Variants in FZD8 observed in about 807,000 individuals in gnomAD.
FZD8 encodes frizzled class receptor 8.
A neutral mutation model predicts 46.0 loss-of-function variants in FZD8; 18 were observed. The ratio of observed to expected loss-of-function variants is 0.39; its 90% CI spans 0.27 to 0.58. The LOEUF (loss-of-function observed/expected upper bound fraction) is 0.58, where lower values mean the gene tolerates loss of function less well. Among genes scored for constraint, FZD8 ranks in the 20% least tolerant of loss-of-function variants. The pLI is 0.55. For synonymous variants in FZD8, 586 were observed against 467.9 expected, an observed-to-expected ratio of 1.25 and a Z score of -3.26; for missense variants, 785 against 983.4, an observed-to-expected ratio of 0.80 and a Z score of 2.70.
Position 35,642,134 on chromosome 10 carries a change from C to A in FZD8, c.-705G>T. 6.5e-6 allele frequency: 1 copy of A among 152,908 alleles called. No individual in the cohort carries two copies. The highest frequency in any genetic ancestry group is 1.9e-4 in the South Asian group (1 of 5,188). The allele number at this position is 152,908 out of a possible 1,614,324, so 9.5% of individuals were successfully genotyped here. On this transcript the variant is annotated 5_prime_UTR_variant, in exon 1 of 1. Coordinates refer to ENST00000374694, the MANE Select transcript of FZD8 (RefSeq NM_031866.3). ...GTCAGCGCCGCGCTCCGGCCGCAGTCGGGCGAGGTGCACACAGTCTCCTTC... is the reference window on the plus strand; with the variant it reads ...GTCAGCGCCGCGCTCCGGCCGCAGTAGGGCGAGGTGCACACAGTCTCCTTC...
rs1382607596 is a variant in FZD8 at position 35,641,999 on chromosome 10, C to A, written c.-570G>T. 2 of 156,000 alleles carry A rather than the reference C, an allele frequency of 1.3e-5. No homozygotes were observed. The highest frequency in any genetic ancestry group is 2.8e-5 in the Non-Finnish European group (2 of 70,652). The allele number at this position is 156,000 out of a possible 1,614,324, so 9.7% of individuals were successfully genotyped here. On this transcript the variant is annotated 5_prime_UTR_variant, in exon 1 of 1. Transcript: ENST00000374694. The surrounding 1 kb of genome is among the most constrained non-coding windows in gnomAD (Gnocchi z 6.3). Reference sequence around the variant, plus strand: ...GCCCCCAAGGCCAAGCCGCCGCCGCCGCCGCCGGAGTTGGGGACCCGCCTC... The same window carrying A: ...GCCCCCAAGGCCAAGCCGCCGCCGCAGCCGCCGGAGTTGGGGACCCGCCTC...
In FZD8 at chr10:35,640,284, C is replaced by A; in HGVS notation, c.1146G>T (p.Val382=). ...GRGEYEELGA[V]EQHVRYETTG... ...TGGTCTCGTAGCGCACGTGCTGCTC[C>A]ACCGCGCCCAGCTCCTCGTACTCGC... Residue 382 remains valine (V), a synonymous_variant, in exon 1 of 1, where the codon GTG becomes GTT. Coordinates refer to ENST00000374694, the MANE Select transcript of FZD8 (RefSeq NM_031866.3). The A allele has an allele frequency of 6.3e-7, 1 of 1,592,398 alleles. No individual in the cohort carries two copies.
Position 35,640,331 on chromosome 10 carries a change from C to A in FZD8, c.1099G>T (p.Ala367Ser). The A allele has an allele frequency of 9.9e-7, 1 of 1,010,750 alleles. No homozygotes were observed. Among genetic ancestry groups the A allele is most frequent in the Non-Finnish European group, 1.2e-6 (1 of 844,186 alleles). The allele number at this position is 1,010,750 out of a possible 1,614,324, so 62.6% of individuals were successfully genotyped here. ...AAGAGAAGAG[A>S]GGPGGRGEYE... ...TCGCCGCGCCCGCCCGGGCCGCCCG[C>A]GCCCGCGCCCGCCGCGCCCGCGCCC... Residue 367 changes from alanine (A) to serine (S), a missense_variant, in exon 1 of 1, where the codon GCG becomes TCG. By Grantham distance (99) the Ala-to-Ser change is moderately conservative (BLOSUM62 1). Transcript: ENST00000374694.
chr10:35,641,035 CGGTCG>C lies in FZD8; in HGVS notation c.390_394del (p.Asp131HisfsTer13), dbSNP rs750255973. On this transcript the variant is annotated frameshift_variant, in exon 1 of 1. Transcript: ENST00000374694. LOFTEE classifies it high-confidence loss of function. This position sits in a 1 kb window ranked among gnomAD's most constrained non-coding sequence, Gnocchi z 6.3. ...CTCGGGCAGCCGGTCGCAGCGCATG[CGGTCG>C]GGCCAGGCGAAGCCGTACTGGCGCA... The C allele has an allele frequency of 6.2e-7, 1 of 1,608,282 alleles. No homozygotes were observed. The highest frequency in any genetic ancestry group is 1.1e-5 in the South Asian group (1 of 90,698).
chr10:35,641,865 G>C lies in FZD8; in HGVS notation c.-436C>G. ...GCCGGACAGAGAGGGCGGAGGCGCC[G>C]CAAGTTTCCTCTGGGGCCGCGGTGC... is the stretch of plus-strand genomic sequence containing the variant. On this transcript the variant is annotated 5_prime_UTR_variant, in exon 1 of 1. Transcript: ENST00000374694. This position sits in a 1 kb window ranked among gnomAD's most constrained non-coding sequence, Gnocchi z 6.3. 1 of 153,320 alleles carries C rather than the reference G, an allele frequency of 6.5e-6. No homozygotes were observed. Among genetic ancestry groups the C allele is most frequent in the Non-Finnish European group, 1.4e-5 (1 of 69,024 alleles). 9.5% of individuals were successfully genotyped at this position (153,320 alleles called of 1,614,324 possible).
chr10:35,639,561 G>A lies in FZD8; in HGVS notation c.1869C>T (p.Ala623=), dbSNP rs368059649. 2.0e-6 allele frequency: 3 copies of A among 1,523,150 alleles called. No homozygotes were observed. The highest frequency in any genetic ancestry group is 1.8e-5 in the Admixed American group (1 of 54,334). 94.4% of individuals were successfully genotyped at this position (1,523,150 alleles called of 1,614,324 possible). The change falls in exon 1 of 1, where the codon GCC becomes GCT. Residue 623 remains alanine (A), a synonymous_variant. Transcript: ENST00000374694. ...WRSLCTRCCW[A]SKGAAVGGGA... is the part of the protein sequence containing the mutation. ...CCCCGCCCACCGCGGCGCCCTTGCTGGCCCAGCAGCAGCGGGTGCACAGGG... is the reference window on the plus strand; with the variant it reads ...CCCCGCCCACCGCGGCGCCCTTGCTAGCCCAGCAGCAGCGGGTGCACAGGG...
Position 35,640,936 on chromosome 10 carries a change from C to A in FZD8, c.494G>T (p.Arg165Leu), listed in dbSNP as rs1191008066. ...DLTTAAPSPPRRLPPPPPGEQ... is the reference protein window; with the variant it reads ...DLTTAAPSPPLRLPPPPPGEQ... ...GCCGGGCGGCGGCGGCGGCAGGCGGCGCGGCGGGCTGGGCGCGGCGGTGGT... is the reference window on the plus strand; with the variant it reads ...GCCGGGCGGCGGCGGCGGCAGGCGGAGCGGCGGGCTGGGCGCGGCGGTGGT... Residue 165 changes from arginine (R) to leucine (L), a missense_variant, in exon 1 of 1, where the codon CGC (arginine) becomes CTC (leucine). Transcript: ENST00000374694. 4 of 1,301,328 alleles carry A rather than the reference C, an allele frequency of 3.1e-6. No individual in the cohort carries two copies. Among genetic ancestry groups the A allele is most frequent in the South Asian group, 2.8e-5 (1 of 35,978 alleles). 80.6% of individuals were successfully genotyped at this position (1,301,328 alleles called of 1,614,324 possible).
chr10:35,639,932 G>C lies in FZD8; in HGVS notation c.1498C>G (p.Leu500Val). 1 of 1,613,142 alleles carries C rather than the reference G, an allele frequency of 6.2e-7. No homozygotes were observed. Among genetic ancestry groups the C allele is most frequent in the Non-Finnish European group, 8.5e-7 (1 of 1,179,926 alleles). ...AAGAGGGACACGAAGCCGGCCAGCA[G>C]GAACATGGTGCCGATGAAGAGGTAG... ...VIYLFIGTMF[L>V]LAGFVSLFRI... Residue 500 changes from leucine (L) to valine (V), a missense_variant, in exon 1 of 1, where the codon CTG (leucine) becomes GTG (valine). Around this residue, in one of 5 missense-constraint regions of FZD8, gnomAD observed 147 missense variants for 242.5 expected, o/e 0.61. Coordinates refer to ENST00000374694, the MANE Select transcript of FZD8 (RefSeq NM_031866.3).
Position 35,639,666 on chromosome 10 carries a change from G to A in FZD8, c.1764C>T (p.Leu588=), listed in dbSNP as rs1414182297. 2 of 1,599,102 alleles carry A rather than the reference G, an allele frequency of 1.3e-6. No individual in the cohort carries two copies. The highest frequency in any genetic ancestry group is 1.7e-6 in the Non-Finnish European group (2 of 1,179,742). The change falls in exon 1 of 1, where the codon CTC becomes CTT. Residue 588 remains leucine, a synonymous_variant. Coordinates refer to ENST00000374694, the MANE Select transcript of FZD8 (RefSeq NM_031866.3). ...CCACCACTAGGCACATGAAGTACTT[G>A]AGCATGAAGACGGCGTAGTCGGGCC... is the stretch of plus-strand genomic sequence containing the variant. ...ARRPDYAVFM[L]KYFMCLVVGI...
chr10:35,640,813 G>T lies in FZD8; in HGVS notation c.617C>A (p.Ala206Glu). The change falls in exon 1 of 1, where the codon GCG (alanine) becomes GAG (glutamate). Residue 206 changes from alanine (A) to glutamate (E), a missense_variant. Ala to Glu is a moderately radical substitution (Grantham distance 107, BLOSUM62 -1). Transcript: ENST00000374694. The stretch of plus-strand genomic sequence containing the variant: ...ACCGCCGCCGCCGCGAGCTGGGGGC[G>T]CCGCCGCGTCCCCGCCGCCACCGCC... ...GRGGGGGDAA[A>E]PPARGGGGGG... The T allele has an allele frequency of 1.0e-6, 1 of 991,400 alleles. No individual in the cohort carries two copies. The highest frequency in any genetic ancestry group is 1.2e-6 in the Non-Finnish European group (1 of 835,670). The allele number at this position is 991,400 out of a possible 1,614,324, so 61.4% of individuals were successfully genotyped here. A position where few individuals can be genotyped will look rare whatever the true frequency, so the allele number is the denominator to read the frequency against.
rs66483122 is a variant in FZD8 at position 35,638,739 on chromosome 10, CTTTT to C, written c.*602_*605del. The C allele has an allele frequency of 2.7e-5, 4 of 150,644 alleles. No homozygotes were observed. Among genetic ancestry groups the C allele is most frequent in the African/African-American group, 9.7e-5 (4 of 41,202 alleles). The allele number at this position is 150,644 out of a possible 1,614,324, so 9.3% of individuals were successfully genotyped here. ...TCTTTGGATATATACATATTTTACA[CTTTT>C]TTTTTTACAATTTAACAAATAATTA... On this transcript the variant is annotated 3_prime_UTR_variant, in exon 1 of 1. Transcript: ENST00000374694.
Position 35,638,668 on chromosome 10 carries a change from CA to C in FZD8, c.*676del, listed in dbSNP as rs1319157847. 2.6e-5 allele frequency: 4 copies of C among 152,366 alleles called. No individual in the cohort carries two copies. The highest frequency in any genetic ancestry group is 9.6e-5 in the African/African-American group (4 of 41,486). The allele number at this position is 152,366 out of a possible 1,614,324, so 9.4% of individuals were successfully genotyped here. A position where few individuals can be genotyped will look rare whatever the true frequency, so the allele number is the denominator to read the frequency against. On this transcript the variant is annotated 3_prime_UTR_variant, in exon 1 of 1. Coordinates refer to ENST00000374694, the MANE Select transcript of FZD8 (RefSeq NM_031866.3). ...AATAGAATACTTATATCTGTTCTTACAGGGGTAAGCCTCTAAACTTTTTACA... is the reference window on the plus strand; with the variant it reads ...AATAGAATACTTATATCTGTTCTTACGGGGTAAGCCTCTAAACTTTTTACA...
At position 35,639,308 on chromosome 10, in the gene FZD8, C is replaced by A; in HGVS notation, c.*37G>T. 1 of 818,196 alleles carries A rather than the reference C, an allele frequency of 1.2e-6. No individual in the cohort carries two copies. The highest frequency in any genetic ancestry group is 1.8e-6 in the Non-Finnish European group (1 of 555,894). 50.7% of individuals were successfully genotyped at this position (818,196 alleles called of 1,614,324 possible). ...TCGCTGCACTTGGCTCTCCTCGCCC[C>A]CCTCCCCACCCCTCCTGGGCGCCCC... On this transcript the variant is annotated 3_prime_UTR_variant, in exon 1 of 1. Transcript: ENST00000374694.
At position 35,640,319 on chromosome 10, in the gene FZD8, C is replaced by T. The variant is rs1166543884; in HGVS notation, c.1111G>A (p.Gly371Ser). The T allele has an allele frequency of 8.2e-7, 1 of 1,222,214 alleles. No individual in the cohort carries two copies. The highest frequency in any genetic ancestry group is 3.5e-5 in the East Asian group (1 of 28,356). The allele number at this position is 1,222,214 out of a possible 1,614,324, so 75.7% of individuals were successfully genotyped here. The change falls in exon 1 of 1, where the codon GGC (glycine) becomes AGC (serine). Residue 371 changes from glycine to serine, a missense_variant. Physicochemically the swap from Gly to Ser is moderately conservative, Grantham distance 56. Around this residue, in one of 5 missense-constraint regions of FZD8, gnomAD observed 88 missense variants for 83.6 expected, o/e 1.05. Coordinates refer to ENST00000374694, the MANE Select transcript of FZD8 (RefSeq NM_031866.3). ...GAAGAGAGGP[G>S]GRGEYEELGA... ...AGCTCCTCGTACTCGCCGCGCCCGC[C>T]CGGGCCGCCCGCGCCCGCGCCCGCC...
Position 35,641,359 on chromosome 10 carries a change from C to T in FZD8, c.71G>A (p.Gly24Asp), listed in dbSNP as rs778882521. The T allele has an allele frequency of 2.5e-6, 4 of 1,613,368 alleles. No individual in the cohort carries two copies. The highest frequency in any genetic ancestry group is 3.4e-6 in the Non-Finnish European group (4 of 1,179,832). The change falls in exon 1 of 1, where the codon GGC (glycine) becomes GAC (aspartate). Residue 24 changes from glycine to aspartate, a missense_variant. Coordinates refer to ENST00000374694, the MANE Select transcript of FZD8 (RefSeq NM_031866.3). The surrounding 1 kb of genome is among the most constrained non-coding windows in gnomAD (Gnocchi z 6.3). ...AALALLQRSSGAAAASAKELA... is the reference protein window; with the variant it reads ...AALALLQRSSDAAAASAKELA... The stretch of plus-strand genomic sequence containing the variant: ...CTCCTTGGCCGAGGCGGCCGCAGCG[C>T]CGCTAGAGCGCTGCAGCAGCGCCAA...
chr10:35,639,331 C>T lies in FZD8; in HGVS notation c.*14G>A. 1 of 1,301,152 alleles carries T rather than the reference C, an allele frequency of 7.7e-7. No homozygotes were observed. Among genetic ancestry groups the T allele is most frequent in the Non-Finnish European group, 1.0e-6 (1 of 978,402 alleles). 80.6% of individuals were successfully genotyped at this position (1,301,152 alleles called of 1,614,324 possible). A position where few individuals can be genotyped will look rare whatever the true frequency, so the allele number is the denominator to read the frequency against. ...CCCCCTCCCCACCCCTCCTGGGCGC[C>T]CCCTCCCCTCCGCTCAGACCTGGGA... On this transcript the variant is annotated 3_prime_UTR_variant, in exon 1 of 1. Coordinates refer to ENST00000374694, the MANE Select transcript of FZD8 (RefSeq NM_031866.3).
Position 35,640,823 on chromosome 10 carries a change from C to A in FZD8, c.607G>T (p.Asp203Tyr). ...RGGGRGGGGG[D>Y]AAAPPARGGG... ...CCGCGAGCTGGGGGCGCCGCCGCGT[C>A]CCCGCCGCCACCGCCCCTGCCGCCG... Residue 203 changes from aspartate (D) to tyrosine (Y), a missense_variant, in exon 1 of 1, where the codon GAC (aspartate) becomes TAC (tyrosine). By Grantham distance (160) the Asp-to-Tyr change is radical (BLOSUM62 -3). Coordinates refer to ENST00000374694, the MANE Select transcript of FZD8 (RefSeq NM_031866.3). The A allele has an allele frequency of 1.0e-6, 1 of 981,682 alleles. No homozygotes were observed. The highest frequency in any genetic ancestry group is 4.6e-5 in the South Asian group (1 of 21,928). The allele number at this position is 981,682 out of a possible 1,614,324, so 60.8% of individuals were successfully genotyped here.
chr10:35,639,696 T>A lies in FZD8; in HGVS notation c.1734A>T (p.Ala578=). ...PCLRDLQPDQ[A]RRPDYAVFML... is the part of the protein sequence containing the mutation. ...TGAAGACGGCGTAGTCGGGCCTGCG[T>A]GCCTGGTCGGGCTGCAGGTCCCGCA... The change falls in exon 1 of 1, where the codon GCA becomes GCT. Residue 578 remains alanine, a synonymous_variant. Transcript: ENST00000374694. 6.3e-7 allele frequency: 1 copy of A among 1,599,504 alleles called. No individual in the cohort carries two copies. Among genetic ancestry groups the A allele is most frequent in the Non-Finnish European group, 8.5e-7 (1 of 1,179,674 alleles).
Position 35,640,578 on chromosome 10 carries a change from C to G in FZD8, c.852G>C (p.Trp284Cys). Residue 284 changes from tryptophan (W) to cysteine (C), a missense_variant, in exon 1 of 1, where the codon TGG (tryptophan) becomes TGC (cysteine). Coordinates refer to ENST00000374694, the MANE Select transcript of FZD8 (RefSeq NM_031866.3). ...RAFTVFWIGL[W>C]SVLCFVSTFA... ...AGGTGGACACGAAGCAGAGCACCGA[C>G]CACAGGCCGATCCAGAAGACGGTGA... is the stretch of plus-strand genomic sequence containing the variant. The G allele has an allele frequency of 6.3e-7, 1 of 1,588,774 alleles. No homozygotes were observed. Among genetic ancestry groups the G allele is most frequent in the Non-Finnish European group, 8.6e-7 (1 of 1,165,630 alleles).
Sources: allele counts gnomAD v4.1 joint callset, GRCh38; gene constraint gnomAD v4.1.1; regional missense constraint gnomAD v4.1.1; non-coding constraint Gnocchi (gnomAD v3.1); transcripts MANE v1.5; gene names NCBI Gene and HGNC (gene_info 2026-07-23, HGNC 2026-07-21).